Variants in NRXN1 observed in about 807,000 individuals in gnomAD.
NRXN1 encodes the protein neurexin 1, also known as neurexin-1.
In NRXN1, 39 loss-of-function variants were observed where a neutral mutation model predicts 150.9. The ratio of observed to expected loss-of-function variants is 0.26; its 90% confidence interval spans 0.20 to 0.34. The LOEUF (loss-of-function observed/expected upper bound fraction) is 0.34, where lower values mean the gene tolerates loss of function less well. Among genes scored for constraint, NRXN1 ranks in the 10% least tolerant of loss-of-function variants. The pLI is 1.00. For missense variants in NRXN1, 1,815 were observed against 1,949.9 expected (o/e 0.93, Z 1.30); for synonymous variants, 924 against 757.0 (o/e 1.22, Z -3.62).
At chr2:50,285,980 A>G (rs527657194) in intron 17 of NRXN1, among the ~76,000 whole-genome samples, 3 of 152,260 alleles carry the variant, frequency 2.0e-5, no homozygotes, top group African/African-American at 7.2e-5. Context: ...AAGAAAAGAT[A>G]TATCTCTCAG....
intron 17 of NRXN1, among the ~76,000 whole-genome samples, chr2:50,237,456 T>A (rs1574661109): frequency 6.6e-6 from 1 of 152,042 alleles, no homozygotes; most frequent in Middle Eastern, 3.4e-3. Context: ...GGAAAAAGGA[T>A]CTACTTACAT....
chr2:49,995,922 G>A (rs1039152521), intron 21 of NRXN1, among the ~76,000 whole-genome samples: 4 of 147,848 alleles, frequency 2.7e-5, no homozygotes, highest in Non-Finnish European at 5.9e-5. Context: ...ATGCCCCTTG[G>A]GTCTCATGAC....
Position 50,218,496 on chromosome 2 carries a change from T to A in NRXN1, c.3546+18293A>T, listed in dbSNP as rs1165662217. 2.0e-5 allele frequency among the ~76,000 whole-genome samples: 3 copies of A among 151,750 alleles called. No homozygotes were observed. In the East Asian group the frequency reaches 5.9e-4, roughly 30 times the overall value. On this transcript the variant is annotated intron_variant, in intron 18 of 22. Coordinates refer to ENST00000401669, the MANE Select transcript of NRXN1 (RefSeq NM_001330078.2). ...TCCTTAAAGTTAGCACCTTCTTTTT[T>A]TTTTTTTTTTTCTTTCTCAGAATCT... is the stretch of plus-strand genomic sequence containing the variant.
rs1573790405 is a variant in NRXN1 at position 50,613,336 on chromosome 2, G to A, written c.1320+6686C>T. Among the ~76,000 whole-genome samples the A allele has an allele frequency of 2.0e-5, 3 of 152,136 alleles. No individual in the cohort carries two copies. The South Asian group carries it at 6.2e-4, about 32-fold the overall frequency. ...CATCATCTCTAGTGCTCACTAGGCT[G>A]TACAGAATAGAACAGTCAGAGCACT... On this transcript the variant is annotated intron_variant, in intron 8 of 22. Coordinates refer to ENST00000401669, the MANE Select transcript of NRXN1 (RefSeq NM_001330078.2).
intron 18 of NRXN1, among the ~76,000 whole-genome samples, chr2:50,146,221 A>G (rs1198539898): frequency 1.3e-5 from 2 of 151,606 alleles, no homozygotes; most frequent in Non-Finnish European, 3.0e-5. Flanking sequence ...CAAAACTCCT[A>G]AATTGGTGGG....
intron 5 of NRXN1, among the ~76,000 whole-genome samples, chr2:50,751,649 G>A (rs959020508): frequency 6.6e-6 from 1 of 151,938 alleles, no homozygotes; most frequent in Non-Finnish European, 1.5e-5. Context: ...CTGTGAAAAG[G>A]CCTGCATAAC....
In NRXN1 at chr2:51,027,626, C is replaced by G; in HGVS notation, c.648G>C (p.Pro216=). The G allele has an allele frequency of 1.9e-6, 3 of 1,583,512 alleles. No individual in the cohort carries two copies. The highest frequency in any genetic ancestry group is 2.3e-5 in the South Asian group (2 of 87,630). ...DEPPNSGGGS[P]CEAGEEGEGG... ...CCTCGCCCTCCTCGCCCGCCTCGCA[C>G]GGGCTTCCCCCGCCGCTGTTGGGCG... Residue 216 remains proline, a synonymous_variant, in exon 2 of 23, where the codon CCG becomes CCC. Transcript: ENST00000401669.
At chr2:50,377,466 T>C (rs1199380100) in intron 17 of NRXN1, among the ~76,000 whole-genome samples, 2 of 152,222 alleles carry the variant, frequency 1.3e-5, no homozygotes, top group South Asian at 2.1e-4. Flanking sequence ...TTCCATGATG[T>C]ATATGTGCCA....
At chr2:50,740,407 T>C (rs888043979) in intron 5 of NRXN1, among the ~76,000 whole-genome samples, 1 of 152,178 alleles carries the variant, frequency 6.6e-6, no homozygotes, top group Non-Finnish European at 1.5e-5. Flanking sequence ...TGCACCCATT[T>C]TGTGATCACA....
rs377685845 is a variant in NRXN1 at position 50,166,478 on chromosome 2, C to A, written c.3546+70311G>T. ...CTTGGAAGCAGTTTCATCTTCAAAT[C>A]CTCAAGATAAAGAGCCCAGTCAACT... On this transcript the variant is annotated intron_variant, in intron 18 of 22. Coordinates refer to ENST00000401669, the MANE Select transcript of NRXN1 (RefSeq NM_001330078.2). Among the ~76,000 whole-genome samples the A allele has an allele frequency of 9.2e-5, 14 of 152,192 alleles. No individual in the cohort carries two copies. The East Asian group carries it at 2.3e-3, about 25-fold the overall frequency.
chr2:50,029,766 CT>C (rs1489674850), intron 21 of NRXN1, among the ~76,000 whole-genome samples: 2 of 152,134 alleles, frequency 1.3e-5, no homozygotes, highest in Non-Finnish European at 1.5e-5. Flanking sequence ...GCACATTGGG[CT>C]CTGAATTTAA....
chr2:50,384,754 AATT>A (rs66567992), intron 17 of NRXN1, among the ~76,000 whole-genome samples: 38,027 of 151,782 alleles, frequency 0.25, 5,004 homozygotes, highest in East Asian at 0.44. Flanking sequence ...ACTTCAAAAA[AATT>A]ATTATTACTT....
intron 12 of NRXN1, among the ~76,000 whole-genome samples, chr2:50,519,696 A>T (rs2092731656): frequency 6.6e-6 from 1 of 151,934 alleles, no homozygotes; most frequent in Non-Finnish European, 1.5e-5. Flanking sequence ...ACTTATACTA[A>T]CACATCTAGA....
At chr2:50,470,932 G>C (rs2089397375) in intron 16 of NRXN1, among the ~76,000 whole-genome samples, 1 of 151,904 alleles carries the variant, frequency 6.6e-6, no homozygotes, top group East Asian at 1.9e-4. Flanking sequence ...AGGAATATTA[G>C]CCTGGGGTGA....
intron 8 of NRXN1, among the ~76,000 whole-genome samples, chr2:50,565,758 C>T (rs1257342900): frequency 6.6e-6 from 1 of 152,100 alleles, no homozygotes; most frequent in Non-Finnish European, 1.5e-5. Context: ...ACTCTCCAAA[C>T]TGTGTGGAAT....
At chr2:50,676,547 T>C (rs1346256205) in intron 5 of NRXN1, among the ~76,000 whole-genome samples, 2 of 152,190 alleles carry the variant, frequency 1.3e-5, no homozygotes, top group Non-Finnish European at 2.9e-5. Context: ...AATGTAATAT[T>C]TGTGTCCACT....
intron 22 of NRXN1, among the ~76,000 whole-genome samples, chr2:49,929,154 A>G (rs1156642983): frequency 2.0e-5 from 3 of 152,136 alleles, no homozygotes; most frequent in African/African-American, 7.2e-5. Context: ...GGGATGCTAG[A>G]CACGGAAAAA....
intron 5 of NRXN1, among the ~76,000 whole-genome samples, chr2:50,880,114 T>G (rs1226839674): frequency 1.3e-5 from 2 of 151,964 alleles, no homozygotes; most frequent in Admixed American, 6.6e-5. Context: ...GCAGAAACAT[T>G]TGCTTTGAAG....
intron 17 of NRXN1, among the ~76,000 whole-genome samples, chr2:50,364,666 A>T (rs931217499): frequency 2.0e-5 from 3 of 152,042 alleles, no homozygotes; most frequent in African/African-American, 7.2e-5. Flanking sequence ...TTCAACTATT[A>T]TTTATTGCCA....
Sources: allele counts gnomAD v4.1 joint callset (sites outside exome capture counted in the v4.1 genomes callset), GRCh38; gene constraint gnomAD v4.1.1; transcripts MANE v1.5; gene names NCBI Gene and HGNC (gene_info 2026-07-23, HGNC 2026-07-21).